The following ALPK2 variants were observed in gnomAD, a reference collection of about 807,000 sequenced individuals.
ALPK2 encodes alpha kinase 2.
Under a neutral mutation model 163.1 loss-of-function variants are expected in ALPK2, and 127 were observed. The ratio of observed to expected loss-of-function variants is 0.78; its 90% CI spans 0.67 to 0.90. ALPK2 has a LOEUF of 0.90. ALPK2 is among the 40% of genes least tolerant of loss of function. The pLI, the probability that ALPK2 is intolerant of heterozygous loss-of-function variation, is 0.00. For missense variants in ALPK2, 2,360 were observed against 2,589.6 expected (o/e 0.91, Z 1.92); for synonymous variants, 953 against 959.1 (o/e 0.99, Z 0.12).
chr18:58,499,972 G>A lies in ALPK2; in HGVS notation c.6248-1875C>T, dbSNP rs77461124. ...AAAGACAGCTAAAGGATTAATGCTC[G>A]GATTCAGCGTTATCTGCTGGGAGCA... On this transcript the variant is annotated intron_variant, in intron 11 of 12. Coordinates refer to ENST00000361673, the MANE Select transcript of ALPK2 (RefSeq NM_052947.4). 6.6e-3 allele frequency among the ~76,000 whole-genome samples: 1,005 copies of A among 152,360 alleles called. 5 individuals carry two copies. The highest frequency in any genetic ancestry group is 0.011 in the Non-Finnish European group (755 of 68,032).
At chr18:58,504,844 A>G (rs891569217) in intron 10 of ALPK2, among the ~76,000 whole-genome samples, 1 of 152,114 alleles carries the variant, frequency 6.6e-6, no homozygotes, top group Non-Finnish European at 1.5e-5. Context: ...GTAGAGGCCT[A>G]TAGGAAGTGA....
Position 58,579,608 on chromosome 18 carries a change from C to T in ALPK2, c.1168G>A (p.Asp390Asn). 1 of 1,613,808 alleles carries T rather than the reference C, an allele frequency of 6.2e-7. No homozygotes were observed. The highest frequency in any genetic ancestry group is 8.5e-7 in the Non-Finnish European group (1 of 1,180,000). The change falls in exon 4 of 13, where the codon GAC becomes AAC. Residue 390 changes from aspartate (D) to asparagine (N), a missense_variant. Coordinates refer to ENST00000361673, the MANE Select transcript of ALPK2 (RefSeq NM_052947.4). ...GCAGTGGCAACCATAGGCCCAGCGTCACCCGACACCCGAGACCCACAACCC... is the reference window on the plus strand; with the variant it reads ...GCAGTGGCAACCATAGGCCCAGCGTTACCCGACACCCGAGACCCACAACCC... ...GMGCGSRVSG[D>N]AGPMVATAGF...
intron 3 of ALPK2, among the ~76,000 whole-genome samples, chr18:58,596,941 C>T (rs1480107016): frequency 1.3e-5 from 2 of 152,144 alleles, no homozygotes; most frequent in Admixed American, 6.5e-5. Context: ...CTACCTCAGC[C>T]TCCCAAGAAG....
intron 4 of ALPK2, among the ~76,000 whole-genome samples, chr18:58,554,806 T>G (rs185990188): frequency 6.6e-6 from 1 of 152,292 alleles, no homozygotes; most frequent in South Asian, 2.1e-4. Flanking sequence ...TCTTGAATTG[T>G]AGCTCCCATA....
intron 1 of ALPK2, among the ~76,000 whole-genome samples, chr18:58,619,211 G>A (rs1301132942): frequency 6.6e-6 from 1 of 152,210 alleles, no homozygotes; most frequent in East Asian, 1.9e-4. Context: ...TCAGCCCCAA[G>A]GCTGGGCACT....
At chr18:58,494,780 T>C (rs1207629991) in intron 12 of ALPK2, among the ~76,000 whole-genome samples, 1 of 152,216 alleles carries the variant, frequency 6.6e-6, no homozygotes, top group African/African-American at 2.4e-5. Context: ...CTGTCTGCAG[T>C]CTGCGATGCT....
In ALPK2 at chr18:58,538,160, G is replaced by A. The variant is rs2051666996; in HGVS notation, c.2027C>T (p.Pro676Leu). The A allele has an allele frequency of 6.2e-7, 1 of 1,613,802 alleles. No individual in the cohort carries two copies. The highest frequency in any genetic ancestry group is 8.5e-7 in the Non-Finnish European group (1 of 1,179,992). Residue 676 changes from proline (P) to leucine (L), a missense_variant, in exon 5 of 13, where the codon CCT (proline) becomes CTT (leucine). Pro to Leu is a moderately conservative substitution (Grantham distance 98). Transcript: ENST00000361673. The stretch of plus-strand genomic sequence containing the variant: ...AGTGAATGGGGACTCCTCCCCAGCA[G>A]GCTCTGAGAAAGCTGGCATCTGGCT... ...SCSQMPAFSE[P>L]AGEESPFTGT... is the part of the protein sequence containing the mutation.
intron 1 of ALPK2, among the ~76,000 whole-genome samples, chr18:58,619,840 G>C (rs943357665): frequency 6.6e-6 from 1 of 152,144 alleles, no homozygotes; most frequent in Non-Finnish European, 1.5e-5. Context: ...ACAAAGACTC[G>C]CACACAACTG....
intron 9 of ALPK2, among the ~76,000 whole-genome samples, chr18:58,516,627 A>T (rs1568071896): frequency 6.6e-6 from 1 of 152,170 alleles, no homozygotes; most frequent in East Asian, 1.9e-4. Flanking sequence ...ACCGCCAGGG[A>T]TGTCATAGGG....
intron 8 of ALPK2, among the ~76,000 whole-genome samples, chr18:58,523,279 G>A (rs554553007): frequency 7.4e-4 from 112 of 151,924 alleles, no homozygotes; most frequent in Middle Eastern, 3.4e-3. Context: ...ATTCCATGGT[G>A]TATATGTGCC....
chr18:58,502,129 C>T (rs1407928719), intron 11 of ALPK2, among the ~76,000 whole-genome samples: 2 of 135,634 alleles, frequency 1.5e-5, no homozygotes, highest in Non-Finnish European at 3.2e-5. Context: ...AGTGAAACCC[C>T]ATCTCCACAC....
At chr18:58,604,439 T>C (rs2052087711) in intron 3 of ALPK2, among the ~76,000 whole-genome samples, 1 of 152,200 alleles carries the variant, frequency 6.6e-6, no homozygotes, top group African/African-American at 2.4e-5. Context: ...GTGTCTCAGT[T>C]TCGGCAAAAC....
intron 4 of ALPK2, chr18:58,566,491 A>G (rs934800963): frequency 6.6e-6 from 1 of 152,184 alleles, no homozygotes; most frequent in African/African-American, 2.4e-5. Context: ...ATCATAGCCA[A>G]AGAAGACCAA....
At chr18:58,554,589 T>A (rs2051779383) in intron 4 of ALPK2, among the ~76,000 whole-genome samples, 2 of 152,164 alleles carry the variant, frequency 1.3e-5, no homozygotes, top group South Asian at 4.1e-4. Context: ...CTAATTCTCT[T>A]GAGGATCTTG....
Position 58,538,145 on chromosome 18 carries a change from G to C in ALPK2, c.2042C>G (p.Ser681Cys). The C allele has an allele frequency of 6.2e-7, 1 of 1,614,022 alleles. No individual in the cohort carries two copies. The highest frequency in any genetic ancestry group is 8.5e-7 in the Non-Finnish European group (1 of 1,180,016). ...AATTGTTGTGGTCCCAGTGAATGGG[G>C]ACTCCTCCCCAGCAGGCTCTGAGAA... ...PAFSEPAGEESPFTGTTTISF... is the reference protein window; with the variant it reads ...PAFSEPAGEECPFTGTTTISF... The change falls in exon 5 of 13, where the codon TCC (serine) becomes TGC (cysteine). Residue 681 changes from serine (S) to cysteine (C), a missense_variant. By Grantham distance (112) the Ser-to-Cys change is moderately radical. Coordinates refer to ENST00000361673, the MANE Select transcript of ALPK2 (RefSeq NM_052947.4).
chr18:58,518,277 A>G (rs1284013842), intron 8 of ALPK2, among the ~76,000 whole-genome samples: 3 of 152,216 alleles, frequency 2.0e-5, no homozygotes, highest in Non-Finnish European at 4.4e-5. Flanking sequence ...GATGGTAGCT[A>G]TTAAAACTAT....
intron 4 of ALPK2, among the ~76,000 whole-genome samples, chr18:58,547,448 C>A (rs2051723322): frequency 6.6e-6 from 1 of 152,202 alleles, no homozygotes; most frequent in South Asian, 2.1e-4. Context: ...TCCCTGGTCT[C>A]TTTCCTTCTC....
At chr18:58,557,390 G>A (rs56377208) in intron 4 of ALPK2, among the ~76,000 whole-genome samples, 3,632 of 152,244 alleles carry the variant, frequency 0.024, 119 homozygotes, top group South Asian at 0.087. Context: ...GGGCACCACC[G>A]AGAGGGAACC....
intron 12 of ALPK2, among the ~76,000 whole-genome samples, chr18:58,486,890 T>C (rs2051341554): frequency 6.6e-6 from 1 of 152,176 alleles, no homozygotes; most frequent in Non-Finnish European, 1.5e-5. Context: ...AGGACATGAA[T>C]TCAATAACAT....
Sources: gnomAD v4.1 joint callset for allele counts (sites outside exome capture counted in the v4.1 genomes callset) on GRCh38, gnomAD v4.1.1 for gene constraint, MANE v1.5 for transcripts, NCBI Gene and HGNC (gene_info 2026-07-23, HGNC 2026-07-21) for gene names.